The following BRD10 variants were observed in gnomAD, a reference collection of about 807,000 sequenced individuals.
BRD10 encodes uncharacterized bromodomain-containing protein 10.
chr9:5,972,156 ACAGT>A, the BRD10 span, among the ~76,000 whole-genome samples: 1 of 152,206 alleles, frequency 6.6e-6, no homozygotes, highest in Non-Finnish European at 1.5e-5. Context: ...AAATGAGTCC[ACAGT>A]CAAAGATAAA....
the BRD10 span, among the ~76,000 whole-genome samples, chr9:5,963,604 C>A: frequency 1.3e-5 from 2 of 151,906 alleles, no homozygotes; most frequent in Non-Finnish European, 2.9e-5. Flanking sequence ...CCAAGTCAAT[C>A]CTAAGCCAAA....
chr9:5,885,674 A>G, the BRD10 span, among the ~76,000 whole-genome samples: 1 of 152,024 alleles, frequency 6.6e-6, no homozygotes, highest in South Asian at 2.1e-4. Flanking sequence ...CACCCGGCCC[A>G]TATGTTATCT....
At chr9:5,919,113 C>T in the BRD10 span, 1 of 152,544 alleles carries the variant, frequency 6.6e-6, no homozygotes, top group African/African-American at 2.4e-5. Flanking sequence ...AAAAACTATA[C>T]ATTATGTAAA....
the BRD10 span, among the ~76,000 whole-genome samples, chr9:5,989,582 G>A: frequency 1.3e-5 from 2 of 149,412 alleles, no homozygotes; most frequent in Non-Finnish European, 3.0e-5. Flanking sequence ...TGTCACCCAG[G>A]CTGGGGTGCA....
chr9:5,956,492 T>C, the BRD10 span, among the ~76,000 whole-genome samples: 2 of 152,140 alleles, frequency 1.3e-5, no homozygotes. Context: ...ACTGCTTTAT[T>C]TCTTTGTGCA....
the BRD10 span, among the ~76,000 whole-genome samples, chr9:6,004,799 A>G: frequency 6.6e-6 from 1 of 152,226 alleles, no homozygotes; most frequent in Non-Finnish European, 1.5e-5. Flanking sequence ...CATTTCAAAC[A>G]GTTGTGACCT....
At chr9:5,923,407 G>A in the BRD10 span, 1 of 925,278 alleles carries the variant, frequency 1.1e-6, no homozygotes. Context: ...TGAGCTGGCA[G>A]TGTATTAAGA....
the BRD10 span, among the ~76,000 whole-genome samples, chr9:5,887,235 G>A: frequency 3.3e-5 from 5 of 152,106 alleles, no homozygotes; most frequent in African/African-American, 1.2e-4. Context: ...TTCCTGCCTG[G>A]GCAACAGAAC....
At chr9:6,005,357 G>A in the BRD10 span, among the ~76,000 whole-genome samples, 1 of 151,502 alleles carries the variant, frequency 6.6e-6, no homozygotes, top group East Asian at 1.9e-4. Context: ...CCAAAAATAC[G>A]AAGATTAGCC....
At chr9:5,971,764 G>A in the BRD10 span, among the ~76,000 whole-genome samples, 2 of 152,022 alleles carry the variant, frequency 1.3e-5, no homozygotes, top group Admixed American at 6.6e-5. Context: ...TAGTGGGCAG[G>A]TAGAATTTGG....
At chr9:5,914,993 A>C in the BRD10 span, among the ~76,000 whole-genome samples, 1 of 152,214 alleles carries the variant, frequency 6.6e-6, no homozygotes. Flanking sequence ...CCCAACAAAC[A>C]AAAGAACAAA....
the BRD10 span, chr9:5,944,885 T>C: frequency 6.5e-7 from 1 of 1,529,414 alleles, no homozygotes; most frequent in Non-Finnish European, 8.8e-7. Context: ...TTTTTTCTAC[T>C]GTTTTCCAGA....
At chr9:5,945,058 T>A in the BRD10 span, 1 of 500,592 alleles carries the variant, frequency 2.0e-6, no homozygotes, top group East Asian at 3.4e-5. Flanking sequence ...AATTCACAAT[T>A]ATTTTTCTCT....
At chr9:5,966,263 C>G in the BRD10 span, among the ~76,000 whole-genome samples, 1 of 152,070 alleles carries the variant, frequency 6.6e-6, no homozygotes, top group South Asian at 2.1e-4. Flanking sequence ...AACTCCTCCT[C>G]CCAATTTTCT....
chr9:5,933,317 T>C, the BRD10 span, among the ~76,000 whole-genome samples: 1 of 152,240 alleles, frequency 6.6e-6, no homozygotes, highest in African/African-American at 2.4e-5. Flanking sequence ...AATTCAAATA[T>C]TTACTGAAGG....
chr9:5,942,262 G>C, the BRD10 span, among the ~76,000 whole-genome samples: 4 of 151,974 alleles, frequency 2.6e-5, no homozygotes, highest in African/African-American at 9.7e-5. Context: ...TAAAGAAAAG[G>C]TTAAATTGTG....
chr9:5,963,777 C>A, the BRD10 span, among the ~76,000 whole-genome samples: 3 of 151,988 alleles, frequency 2.0e-5, no homozygotes, highest in African/African-American at 7.2e-5. Context: ...TGATCTTTGA[C>A]AAACCTGAGA....
the BRD10 span, among the ~76,000 whole-genome samples, chr9:5,932,686 T>C: frequency 1.2e-4 from 19 of 152,296 alleles, no homozygotes; most frequent in Non-Finnish European, 2.2e-4. Context: ...CCAAGGATAC[T>C]GAGACACAAC....
the BRD10 span, among the ~76,000 whole-genome samples, chr9:5,928,066 CCTT>C: frequency 3.9e-5 from 6 of 152,162 alleles, no homozygotes; most frequent in African/African-American, 9.7e-5. Flanking sequence ...ATTTGCTACT[CCTT>C]GAGTTTCCCC....
Sources: allele counts gnomAD v4.1 joint callset (sites outside exome capture counted in the v4.1 genomes callset), GRCh38; gene constraint gnomAD v4.1.1; transcripts MANE v1.5; gene names NCBI Gene and HGNC (gene_info 2026-07-23, HGNC 2026-07-21).